STX8: variants seen among roughly 807,000 people sequenced by gnomAD.
STX8 encodes the protein syntaxin-8.
In STX8, 23 loss-of-function variants were observed where a neutral mutation model predicts 37.5. The observed-to-expected ratio is 0.61, with a 90% CI of 0.44 to 0.87. STX8 has a LOEUF of 0.87. Ranked by LOEUF, STX8 falls within the 40% of genes least tolerant of loss-of-function variation. The pLI, the probability that STX8 is intolerant of heterozygous loss-of-function variation, is 0.00. For missense variants in STX8, 313 were observed against 284.7 expected, an observed-to-expected ratio of 1.10 and a Z score of -0.71; for synonymous variants, 115 against 99.1, an observed-to-expected ratio of 1.16 and a Z score of -0.95.
At chr17:9,321,587 C>G (rs1376139694) in intron 7 of STX8, among the ~76,000 whole-genome samples, 1 of 151,838 alleles carries the variant, frequency 6.6e-6, no homozygotes, top group Non-Finnish European at 1.5e-5. Context: ...TGGCGCAATC[C>G]CAGCTCACTG....
chr17:9,323,979 A>G (rs529437965), intron 7 of STX8, among the ~76,000 whole-genome samples: 2 of 152,272 alleles, frequency 1.3e-5, no homozygotes, highest in Admixed American at 6.5e-5. Context: ...GCGGAGAGGC[A>G]TCGGTCCTAT....
At chr17:9,351,065 G>A (rs1910690351) in intron 7 of STX8, among the ~76,000 whole-genome samples, 1 of 150,800 alleles carries the variant, frequency 6.6e-6, no homozygotes, top group Non-Finnish European at 1.5e-5. Flanking sequence ...CAGAAAAGCC[G>A]AAAAGATAGT....
intron 7 of STX8, among the ~76,000 whole-genome samples, chr17:9,335,209 A>G (rs1254484743): frequency 6.6e-6 from 1 of 152,226 alleles, no homozygotes; most frequent in East Asian, 1.9e-4. Context: ...AGCAGGGGTT[A>G]CCTGCGTCAG....
intron 6 of STX8, among the ~76,000 whole-genome samples, chr17:9,453,778 C>T (rs1172359340): frequency 6.6e-6 from 1 of 152,138 alleles, no homozygotes; most frequent in African/African-American, 2.4e-5. Context: ...CAGGTGTGAG[C>T]CACCGTACCT....
intron 7 of STX8, among the ~76,000 whole-genome samples, chr17:9,321,176 G>C (rs1909564372): frequency 6.6e-6 from 1 of 152,150 alleles, no homozygotes; most frequent in Non-Finnish European, 1.5e-5. Flanking sequence ...GAGGTATGTA[G>C]AGCGTATGAA....
chr17:9,347,372 G>C (rs1198461716), intron 7 of STX8, among the ~76,000 whole-genome samples: 1 of 152,142 alleles, frequency 6.6e-6, no homozygotes, highest in South Asian at 2.1e-4. Context: ...TTCTAATGGA[G>C]CAGCTATATA....
intron 4 of STX8, among the ~76,000 whole-genome samples, chr17:9,544,764 G>A (rs113685084): frequency 2.6e-5 from 4 of 152,228 alleles, no homozygotes; most frequent in South Asian, 2.1e-4. Context: ...AGGCCAAGGC[G>A]GGCGGATCAC....
chr17:9,396,378 G>C (rs568243832), intron 6 of STX8, among the ~76,000 whole-genome samples: 1 of 151,478 alleles, frequency 6.6e-6, no homozygotes, highest in Admixed American at 6.6e-5. Context: ...GGGGGGCGGG[G>C]TGGCAGTAAA....
chr17:9,454,789 A>G (rs1905142487), intron 6 of STX8, among the ~76,000 whole-genome samples: 1 of 152,180 alleles, frequency 6.6e-6, no homozygotes, highest in Admixed American at 6.5e-5. Flanking sequence ...GCGAAACCAC[A>G]TATAAGGGGG....
At chr17:9,510,820 A>C (rs532266596) in intron 4 of STX8, among the ~76,000 whole-genome samples, 2 of 152,190 alleles carry the variant, frequency 1.3e-5, no homozygotes, top group South Asian at 4.1e-4. Flanking sequence ...AAATCAACAA[A>C]ATAAAAGTTG....
At chr17:9,450,911 A>G (rs1905019411) in intron 6 of STX8, among the ~76,000 whole-genome samples, 1 of 152,074 alleles carries the variant, frequency 6.6e-6, no homozygotes, top group Admixed American at 6.5e-5. Flanking sequence ...CTTCCTCCAT[A>G]AGAGGTCCTG....
chr17:9,534,623 T>G (rs547474462), intron 4 of STX8, among the ~76,000 whole-genome samples: 1 of 152,062 alleles, frequency 6.6e-6, no homozygotes, highest in East Asian at 1.9e-4. Flanking sequence ...CTCCGTCTCT[T>G]CTAAAAATAC....
chr17:9,549,821 A>C (rs1375072042), intron 3 of STX8, among the ~76,000 whole-genome samples: 1 of 152,218 alleles, frequency 6.6e-6, no homozygotes, highest in Non-Finnish European at 1.5e-5. Context: ...TCAAAGGATC[A>C]TCCAGGAAAC....
chr17:9,482,783 A>G (rs1597700013), intron 6 of STX8, among the ~76,000 whole-genome samples: 1 of 152,122 alleles, frequency 6.6e-6, no homozygotes, highest in African/African-American at 2.4e-5. Flanking sequence ...GTGTGGTGGC[A>G]TGCACCTGTA....
intron 6 of STX8, among the ~76,000 whole-genome samples, chr17:9,392,081 T>C (rs1912241866): frequency 6.6e-6 from 1 of 152,198 alleles, no homozygotes; most frequent in South Asian, 2.1e-4. Context: ...TCAATGGTAG[T>C]TGGAACCTGT....
intron 7 of STX8, among the ~76,000 whole-genome samples, chr17:9,293,542 T>G (rs921419170): frequency 6.6e-6 from 1 of 152,030 alleles, no homozygotes; most frequent in African/African-American, 2.4e-5. Context: ...AAGACCTGAT[T>G]AAGGTCCTTG....
At chr17:9,296,301 G>A (rs1908537426) in intron 7 of STX8, among the ~76,000 whole-genome samples, 2 of 143,730 alleles carry the variant, frequency 1.4e-5, no homozygotes, top group Admixed American at 6.9e-5. Flanking sequence ...AGCTGAGATC[G>A]CACCACTGCA....
chr17:9,527,487 C>T (rs187784682), intron 4 of STX8, among the ~76,000 whole-genome samples: 53 of 152,214 alleles, frequency 3.5e-4, no homozygotes, highest in African/African-American at 1.3e-3. Flanking sequence ...TAAAATACAG[C>T]GTGATTAGGT....
rs1370054545 is a variant in STX8 at position 9,474,972 on chromosome 17, AAAAAAC to A, written c.541+16851_541+16856del. Reference sequence around the variant, plus strand: ...GGGCGACAGAGCAAGACTCTGTAGCAAAAAACAAAAACAAACAAAAAAAACTTGTTT... The same window carrying A: ...GGGCGACAGAGCAAGACTCTGTAGCAAAAAACAAACAAAAAAAACTTGTTT... On this transcript the variant is annotated intron_variant, in intron 6 of 7. Coordinates refer to ENST00000306357, the MANE Select transcript of STX8 (RefSeq NM_004853.3). Among the ~76,000 whole-genome samples, 4 of 152,182 alleles carry A rather than the reference AAAAAAC, an allele frequency of 2.6e-5. No homozygotes were observed. In the South Asian group the frequency reaches 8.3e-4, roughly 32 times the overall value.
Sources: allele counts gnomAD v4.1 joint callset (sites outside exome capture counted in the v4.1 genomes callset), GRCh38; gene constraint gnomAD v4.1.1; transcripts MANE v1.5; gene names NCBI Gene and HGNC (gene_info 2026-07-23, HGNC 2026-07-21).